The following NEBL variants were observed in gnomAD, a reference collection of about 807,000 sequenced individuals.
The protein encoded by NEBL is nebulette.
A neutral mutation model predicts 140.2 loss-of-function variants in NEBL; 122 were observed. The observed-to-expected ratio is 0.87, with a 90% CI of 0.75 to 1.01. NEBL has a LOEUF of 1.01. Ranked by LOEUF, NEBL falls within the 50% of genes least tolerant of loss-of-function variation. The probability of loss-of-function intolerance (pLI) is 0.00; values close to 1 mark genes in which losing one functional copy is unlikely to be tolerated. For missense variants in NEBL, 1,365 were observed against 1,231.3 expected, an observed-to-expected ratio of 1.11 and a Z score of -1.62; for synonymous variants, 436 against 398.9, an observed-to-expected ratio of 1.09 and a Z score of -1.11.
intron 3 of NEBL, among the ~76,000 whole-genome samples, chr10:20,963,724 C>G (rs1350784095): frequency 1.3e-5 from 2 of 152,174 alleles, no homozygotes; most frequent in African/African-American, 4.8e-5. Flanking sequence ...GAGCTGACTA[C>G]TGTTCAACAA....
At chr10:21,264,209 T>C (rs1022674451) in intron 1 of NEBL, among the ~76,000 whole-genome samples, 3 of 152,226 alleles carry the variant, frequency 2.0e-5, no homozygotes, top group Admixed American at 2.0e-4. Context: ...GGGATGATCC[T>C]GTAGGGAGAT....
chr10:21,284,165 G>T (rs1010656694), intron 1 of NEBL, among the ~76,000 whole-genome samples: 1 of 122,246 alleles, frequency 8.2e-6, no homozygotes, highest in African/African-American at 3.2e-5. Flanking sequence ...AGCCGAGATC[G>T]CACCACTGCA....
chr10:21,055,238 T>G (rs1270202483), intron 2 of NEBL, among the ~76,000 whole-genome samples: 1 of 152,246 alleles, frequency 6.6e-6, no homozygotes, highest in East Asian at 1.9e-4. Flanking sequence ...AGCAAATCTT[T>G]TAAAATCTAT....
intron 1 of NEBL, among the ~76,000 whole-genome samples, chr10:21,259,957 A>G (rs984018763): frequency 5.3e-5 from 8 of 152,174 alleles, no homozygotes; most frequent in African/African-American, 1.7e-4. Context: ...AGAGAAGCCA[A>G]CCTTGGAGTA....
intron 3 of NEBL, among the ~76,000 whole-genome samples, chr10:21,183,419 G>A (rs1162212986): frequency 6.6e-6 from 1 of 152,064 alleles, no homozygotes; most frequent in East Asian, 1.9e-4. Flanking sequence ...ACAGATGCAG[G>A]GACCTCTCAG....
At chr10:20,855,441 T>A (rs916916510) in intron 9 of NEBL, among the ~76,000 whole-genome samples, 2 of 150,454 alleles carry the variant, frequency 1.3e-5, no homozygotes, top group Non-Finnish European at 3.0e-5. Context: ...TACTGAAAAA[T>A]TCAGTAAATA....
At chr10:21,190,573 ATT>A (rs1841555771) in intron 3 of NEBL, among the ~76,000 whole-genome samples, 1 of 152,220 alleles carries the variant, frequency 6.6e-6, no homozygotes, top group African/African-American at 2.4e-5. Flanking sequence ...TCCAAGGATA[ATT>A]TAAAGTAGAT....
At chr10:20,957,741 A>C (rs1015097071) in intron 4 of NEBL, among the ~76,000 whole-genome samples, 4 of 152,192 alleles carry the variant, frequency 2.6e-5, no homozygotes, top group Non-Finnish European at 5.9e-5. Context: ...CATTTCAGTC[A>C]GTCTTTAAAA....
intron 20 of NEBL, chr10:20,818,681 T>C: frequency 5.6e-6 from 3 of 539,354 alleles, no homozygotes; most frequent in Non-Finnish European, 7.1e-6. Flanking sequence ...ATGAGGTCCT[T>C]GAGGATAGAA....
At chr10:21,114,828 C>G (rs1018781432) in intron 2 of NEBL, among the ~76,000 whole-genome samples, 3 of 144,684 alleles carry the variant, frequency 2.1e-5, no homozygotes, top group African/African-American at 7.6e-5. Flanking sequence ...TTGGGTCCTG[C>G]TTTTTTTTTT....
At chr10:20,870,242 C>T (rs1192217663) in intron 5 of NEBL, among the ~76,000 whole-genome samples, 1 of 150,150 alleles carries the variant, frequency 6.7e-6, no homozygotes, top group Non-Finnish European at 1.5e-5. Context: ...AGGAAAATCG[C>T]TCAAACCCGA....
At chr10:20,813,071 A>T (rs968938395) in intron 23 of NEBL, 131 bp from the exon 24 acceptor site, 19 of 767,190 alleles carry the variant, frequency 2.5e-5, no homozygotes, top group Non-Finnish European at 3.7e-5. Flanking sequence ...TTTTCCAAAT[A>T]CTCCAAAACT....
chr10:21,057,706 C>T (rs1835091843), intron 2 of NEBL, among the ~76,000 whole-genome samples: 1 of 151,892 alleles, frequency 6.6e-6, no homozygotes, highest in African/African-American at 2.4e-5. Flanking sequence ...CGCACCAGCA[C>T]ACCCAGCTTA....
At chr10:20,795,948 TAA>T (rs1247097804) in intron 26 of NEBL, among the ~76,000 whole-genome samples, 1 of 152,248 alleles carries the variant, frequency 6.6e-6, no homozygotes, top group African/African-American at 2.4e-5. Flanking sequence ...ATTAATGGAT[TAA>T]AGATTCTTTA....
chr10:21,259,071 CT>C (rs35219702), intron 1 of NEBL, among the ~76,000 whole-genome samples: 240 of 144,046 alleles, frequency 1.7e-3, no homozygotes, highest in African/African-American at 1.9e-3. Flanking sequence ...GACGCACAGT[CT>C]TTTTTTTTTT....
In NEBL at chr10:21,115,024, C is replaced by T. The variant is rs543914771; in HGVS notation, c.164+57359G>A. Among the ~76,000 whole-genome samples the T allele has an allele frequency of 1.1e-4, 17 of 151,568 alleles. No individual in the cohort carries two copies. In the East Asian group the frequency reaches 3.3e-3, roughly 29 times the overall value. On this transcript the variant is annotated intron_variant, in intron 2 of 6. Transcript: ENST00000417816. ...TTTAATTAAGTGTTTTTTATGATTC[C>T]TTTTTATCTTCTTTATTGGCTTATT...
intron 19 of NEBL, among the ~76,000 whole-genome samples, chr10:20,822,117 C>T (rs565667198): frequency 6.0e-4 from 91 of 152,166 alleles, no homozygotes; most frequent in African/African-American, 2.1e-3. Flanking sequence ...AGTAAGCACC[C>T]AACAAATAAC....
At position 20,849,061 on chromosome 10, in the gene NEBL, T is replaced by C. The variant is rs1197887770; in HGVS notation, c.1116+1334A>G. Reference sequence around the variant, plus strand: ...AAGGATCTTATTCATTGAGCATGCCTAGCATGAAGCATCAAGGTTGTATTG... The same window carrying C: ...AAGGATCTTATTCATTGAGCATGCCCAGCATGAAGCATCAAGGTTGTATTG... On this transcript the variant is annotated intron_variant, in intron 11 of 27. Transcript: ENST00000377122. 2.0e-5 allele frequency among the ~76,000 whole-genome samples: 3 copies of C among 152,274 alleles called. No homozygotes were observed. In the East Asian group the frequency reaches 5.8e-4, roughly 29 times the overall value.
intron 1 of NEBL, among the ~76,000 whole-genome samples, chr10:21,267,179 T>C (rs1435577042): frequency 6.6e-6 from 1 of 152,148 alleles, no homozygotes; most frequent in African/African-American, 2.4e-5. Flanking sequence ...TTTCACCACA[T>C]TGGCCAGGCC....
Sources: gnomAD v4.1 joint callset for allele counts (sites outside exome capture counted in the v4.1 genomes callset) on GRCh38, gnomAD v4.1.1 for gene constraint, MANE v1.5 for transcripts, NCBI Gene and HGNC (gene_info 2026-07-23, HGNC 2026-07-21) for gene names.